The following UNC80 variants were observed in gnomAD, a reference collection of about 807,000 sequenced individuals.
The protein encoded by UNC80 is unc-80 subunit of NALCN channel complex.
A neutral mutation model predicts 384.6 loss-of-function variants in UNC80; 164 were observed. The ratio of observed to expected loss-of-function variants is 0.43; its 90% CI spans 0.38 to 0.49. The LOEUF (loss-of-function observed/expected upper bound fraction) is 0.49, where lower values mean the gene tolerates loss of function less well. Among genes scored for constraint, UNC80 ranks in the 20% least tolerant of loss-of-function variants. The pLI is 0.00. For missense variants in UNC80, 3,330 were observed against 4,143.0 expected, an observed-to-expected ratio of 0.80 and a Z score of 5.39; for synonymous variants, 1,486 against 1,527.8, an observed-to-expected ratio of 0.97 and a Z score of 0.64.
chr2:209,876,863 C>A (rs1279215395), intron 23 of UNC80, among the ~76,000 whole-genome samples: 2 of 152,090 alleles, frequency 1.3e-5, no homozygotes, highest in Non-Finnish European at 2.9e-5. Flanking sequence ...TTTAGGGAGA[C>A]CTTTCGGTTT....
At chr2:209,908,240 A>G (rs2088496590) in intron 29 of UNC80, among the ~76,000 whole-genome samples, 1 of 152,212 alleles carries the variant, frequency 6.6e-6, no homozygotes, top group Non-Finnish European at 1.5e-5. Flanking sequence ...CTTATGAGCA[A>G]TTGATATTTC....
chr2:209,796,309 A>C (rs944946685), intron 7 of UNC80: 1 of 152,186 alleles, frequency 6.6e-6, no homozygotes, highest in Non-Finnish European at 1.5e-5. Flanking sequence ...CCCCCATTGT[A>C]TCTAGGAAGT....
At chr2:209,952,641 G>A (rs2092238015) in intron 47 of UNC80, among the ~76,000 whole-genome samples, 1 of 152,174 alleles carries the variant, frequency 6.6e-6, no homozygotes, top group Non-Finnish European at 1.5e-5. Flanking sequence ...ACAATGGCTG[G>A]ATGAACTGAA....
At chr2:209,800,206 T>C (rs922203420) in intron 7 of UNC80, among the ~76,000 whole-genome samples, 10 of 152,298 alleles carry the variant, frequency 6.6e-5, no homozygotes, top group Non-Finnish European at 4.4e-5. Flanking sequence ...TTTTGGTTGG[T>C]AGGCTATTAA....
At chr2:209,887,946 A>C in intron 25 of UNC80, 149 bp from the exon 26 acceptor site, 2 of 642,698 alleles carry the variant, frequency 3.1e-6, no homozygotes, top group Non-Finnish European at 2.6e-6. Flanking sequence ...ATAGATTTGC[A>C]TGGTCACAAT....
At chr2:209,862,649 C>CTTTTTT (rs71043955) in intron 22 of UNC80, among the ~76,000 whole-genome samples, 55 of 78,744 alleles carry the variant, frequency 7.0e-4, no homozygotes, top group South Asian at 1.5e-3. Context: ...GCAACCTCTG[C>CTTTTTT]TTTTTTTTTT....
chr2:209,853,696 A>G (rs2082692807), intron 22 of UNC80, among the ~76,000 whole-genome samples: 1 of 152,124 alleles, frequency 6.6e-6, no homozygotes, highest in Non-Finnish European at 1.5e-5. Flanking sequence ...TCTACTTCCT[A>G]TATTTTTCAA....
At chr2:209,954,474 G>A (rs1240765506) in intron 48 of UNC80, 3 of 393,320 alleles carry the variant, frequency 7.6e-6, no homozygotes, top group Non-Finnish European at 1.3e-5. Flanking sequence ...CTGATTAGTA[G>A]TAGTATAATA....
intron 43 of UNC80, among the ~76,000 whole-genome samples, chr2:209,940,312 A>G (rs1021422894): frequency 2.6e-5 from 4 of 152,130 alleles, no homozygotes; most frequent in African/African-American, 9.7e-5. Context: ...TATTGATGGA[A>G]TGTTGTCTAC....
chr2:209,821,081 A>G (rs2080101629), intron 13 of UNC80, among the ~76,000 whole-genome samples: 1 of 151,390 alleles, frequency 6.6e-6, no homozygotes, highest in Non-Finnish European at 1.5e-5. Flanking sequence ...GAGTGGCTTA[A>G]ACAATAGAAA....
chr2:209,830,413 C>T (rs1289382000), intron 15 of UNC80, among the ~76,000 whole-genome samples: 2 of 152,058 alleles, frequency 1.3e-5, no homozygotes, highest in Non-Finnish European at 2.9e-5. Flanking sequence ...ATTTTTTTCT[C>T]CTTTTTAAAC....
rs1466391695 is a variant in UNC80, at chr2:209,813,648, G to A, written c.1007G>A (p.Arg336His). 7 of 1,551,706 alleles carry A rather than the reference G, an allele frequency of 4.5e-6. No individual in the cohort carries two copies. Among genetic ancestry groups the A allele is most frequent in the South Asian group, 1.2e-5 (1 of 84,046 alleles). The stretch of plus-strand genomic sequence containing the variant: ...ACCTACTTTGACGTTGCTGTTCTGC[G>A]CTGCCTACTTCAGCCCCATTGGTCT... ...YATYFDVAVL[R>H]CLLQPHWSEE... Residue 336 changes from arginine to histidine, a missense_variant, in exon 8 of 65, where the codon CGC (arginine) becomes CAC (histidine). By Grantham distance (29) the Arg-to-His change is conservative. Coordinates refer to ENST00000673920, the MANE Select transcript of UNC80 (RefSeq NM_001371986.1).
chr2:209,941,451 C>G lies in UNC80; in HGVS notation c.6877C>G (p.Leu2293Val). The part of the protein sequence containing the change: ...TAVHFNHLFS[L>V]SGYQWILPTM... ...GGTGCACTTCAACCACCTCTTCTCT[C>G]TCAGCGGCTACCAGTGGATTCTCCC... Residue 2293 changes from leucine (L) to valine (V), a missense_variant, in exon 44 of 65, where the codon CTC (leucine) becomes GTC (valine). By Grantham distance (32) the Leu-to-Val change is conservative. Around this residue, in one of 8 missense-constraint regions of UNC80, gnomAD observed 1,049 missense variants for 1,488.6 expected, o/e 0.70. Coordinates refer to ENST00000673920, the MANE Select transcript of UNC80 (RefSeq NM_001371986.1). The G allele has an allele frequency of 1.3e-6, 2 of 1,542,882 alleles. No individual in the cohort carries two copies. The highest frequency in any genetic ancestry group is 1.8e-6 in the Non-Finnish European group (2 of 1,139,622).
intron 43 of UNC80, 46 bp from the exon 44 acceptor site, chr2:209,941,175 A>G (rs1223108444): frequency 2.7e-6 from 4 of 1,462,654 alleles, no homozygotes; most frequent in Admixed American, 4.7e-5. Context: ...TGCTGACAGG[A>G]TTGGTGTGGG....
In UNC80 at chr2:209,932,863, C is replaced by A. The variant is rs370060173; in HGVS notation, c.5995-959C>A. On this transcript the variant is annotated intron_variant, in intron 38 of 64. Transcript: ENST00000673920. ...GATCAATGCACTTTAACCCATAGGA[C>A]TTTCTATCTGGTCCTATGTTTTATA... Among the ~76,000 whole-genome samples the A allele has an allele frequency of 1.3e-4, 20 of 152,268 alleles. No homozygotes were observed. The East Asian group carries it at 1.5e-3, about 12-fold the overall frequency.
chr2:209,921,345 G>A (rs2090026218), intron 33 of UNC80, among the ~76,000 whole-genome samples, 155 bp from the exon 34 acceptor site: 1 of 152,084 alleles, frequency 6.6e-6, no homozygotes, highest in Non-Finnish European at 1.5e-5. Flanking sequence ...TGGAAATTTG[G>A]TAAAAGGACA....
At chr2:209,991,430 A>C (rs1010924443) in intron 61 of UNC80, among the ~76,000 whole-genome samples, 1 of 152,178 alleles carries the variant, frequency 6.6e-6, no homozygotes, top group Admixed American at 6.5e-5. Context: ...AACTATTTCC[A>C]GTCATTTTTT....
rs1559363623 is a variant in UNC80, at chr2:209,939,391, G to A, written c.6466-81G>A. 4.4e-6 allele frequency: 6 copies of A among 1,371,214 alleles called. No homozygotes were observed. In the East Asian group the frequency reaches 1.3e-4, roughly 29 times the overall value. 84.9% of individuals were successfully genotyped at this position (1,371,214 alleles called of 1,614,324 possible). On this transcript the variant is annotated intron_variant, in intron 42 of 64. Coordinates refer to ENST00000673920, the MANE Select transcript of UNC80 (RefSeq NM_001371986.1). ...TTATCAACCCAGTTTGCCATTAAAG[G>A]TTTTCCTTTAGTTTTTTCAGTCTAT...
chr2:209,872,127 G>GACT lies in UNC80; in HGVS notation c.3628-628_3628-626dup, dbSNP rs2084357353. Among the ~76,000 whole-genome samples, 3 of 152,172 alleles carry GACT rather than the reference G, an allele frequency of 2.0e-5. No individual in the cohort carries two copies. The highest frequency in any genetic ancestry group is 7.2e-5 in the African/African-American group (3 of 41,508). On this transcript the variant is annotated intron_variant, in intron 22 of 64. Coordinates refer to ENST00000673920, the MANE Select transcript of UNC80 (RefSeq NM_001371986.1). The surrounding 1 kb of genome is among the most constrained non-coding windows in gnomAD (Gnocchi z 4.1). ...AAGCCTCAGCCTCCTGAGTAGCTGG[G>GACT]ACTACAAGCACGCTCCACCATGCCT...
Sources: gnomAD v4.1 joint callset for allele counts (sites outside exome capture counted in the v4.1 genomes callset) on GRCh38, gnomAD v4.1.1 for gene constraint, gnomAD v4.1.1 regional missense constraint, Gnocchi (gnomAD v3.1) non-coding constraint, MANE v1.5 for transcripts, NCBI Gene and HGNC (gene_info 2026-07-23, HGNC 2026-07-21) for gene names.